The following RHBDD1 variants were observed in gnomAD, a reference collection of about 807,000 sequenced individuals.
The protein encoded by RHBDD1 is rhomboid-related protein 4.
Under a neutral mutation model 36.3 loss-of-function variants are expected in RHBDD1, and 38 were observed. That is an observed-to-expected ratio of 1.05 (90% CI 0.81 to 1.37). RHBDD1 has a LOEUF of 1.37. Among genes scored for constraint, RHBDD1 ranks in the 40% most tolerant of loss-of-function variants. The pLI is 0.00. For synonymous variants in RHBDD1, 151 were observed against 136.5 expected (o/e 1.11, Z -0.74); for missense variants, 393 against 377.6 (o/e 1.04, Z -0.34).
chr2:226,948,672 C>G (rs1483086534), intron 8 of RHBDD1, among the ~76,000 whole-genome samples: 1 of 151,218 alleles, frequency 6.6e-6, no homozygotes, highest in Non-Finnish European at 1.5e-5. Flanking sequence ...TATGACAAAC[C>G]CACTGCCAAT....
chr2:226,946,465 A>C (rs926676867), intron 8 of RHBDD1, among the ~76,000 whole-genome samples: 2 of 152,080 alleles, frequency 1.3e-5, no homozygotes, highest in East Asian at 3.9e-4. Context: ...GTGTAGTTTG[A>C]AGTCAGAAGA....
the RHBDD1 span, among the ~76,000 whole-genome samples, chr2:226,816,393 A>AAAAG: frequency 6.7e-6 from 1 of 150,028 alleles, no homozygotes; most frequent in African/African-American, 2.5e-5. Context: ...AAAAAAAAAA[A>AAAAG]AAAGAAAAAA....
At chr2:226,963,832 A>T (rs1338153618) in intron 8 of RHBDD1, among the ~76,000 whole-genome samples, 2 of 151,914 alleles carry the variant, frequency 1.3e-5, no homozygotes, top group Admixed American at 1.3e-4. Context: ...AATGGAATCC[A>T]CCCCTAGGCA....
In RHBDD1 at chr2:226,995,487, AG is replaced by A. The variant is rs779781663; in HGVS notation, c.915del (p.Arg306AspfsTer41). 1.2e-6 allele frequency: 2 copies of A among 1,613,120 alleles called. No homozygotes were observed. The highest frequency in any genetic ancestry group is 2.7e-5 in the African/African-American group (2 of 74,934). On this transcript the variant is annotated frameshift_variant, in exon 9 of 9. Coordinates refer to ENST00000392062, the MANE Select transcript of RHBDD1 (RefSeq NM_001167608.3). LOFTEE classifies it high-confidence loss of function. Reference protein sequence around the residue: ...YGFHLSPEEMRRQRLHRFDSQ With the variant: ...YGFHLSPEEMXRQRLHRFDSQ The stretch of plus-strand genomic sequence containing the variant: ...GTTTCATCTCTCACCAGAAGAAATG[AG>A]GAGACAGCGGCTTCACAGATTCGAT...
intron 5 of RHBDD1, among the ~76,000 whole-genome samples, chr2:226,887,327 T>C (rs1364793782): frequency 6.6e-6 from 1 of 152,228 alleles, no homozygotes; most frequent in Non-Finnish European, 1.5e-5. Flanking sequence ...GCATCTGTAG[T>C]TGTAGATTTC....
At chr2:226,937,750 A>G (rs1950423792) in intron 8 of RHBDD1, among the ~76,000 whole-genome samples, 1 of 152,144 alleles carries the variant, frequency 6.6e-6, no homozygotes, top group African/African-American at 2.4e-5. Context: ...AGCTTCACTC[A>G]TGTCCTTGCA....
chr2:226,822,137 A>C, the RHBDD1 span, among the ~76,000 whole-genome samples: 3 of 152,292 alleles, frequency 2.0e-5, no homozygotes, highest in East Asian at 5.8e-4. Context: ...TAGGCCCACA[A>C]ATAGCTTTAT....
intron 5 of RHBDD1, among the ~76,000 whole-genome samples, chr2:226,904,073 C>T (rs536465473): frequency 2.6e-5 from 4 of 152,300 alleles, no homozygotes; most frequent in Middle Eastern, 3.4e-3. Context: ...TTCAAGTCCA[C>T]GTGTGATCTG....
chr2:226,805,496 T>A, the RHBDD1 span, among the ~76,000 whole-genome samples: 12,231 of 152,286 alleles, frequency 0.08, 558 homozygotes, highest in East Asian at 0.13. Flanking sequence ...TATAGGCGTG[T>A]GCCACCACAC....
chr2:226,844,445 T>C (rs1334606092), intron 3 of RHBDD1, among the ~76,000 whole-genome samples: 1 of 152,190 alleles, frequency 6.6e-6, no homozygotes, highest in Non-Finnish European at 1.5e-5. Context: ...TAATATAACA[T>C]ATATTTGAAG....
chr2:226,934,830 T>C (rs1950238605), intron 8 of RHBDD1, among the ~76,000 whole-genome samples: 1 of 151,336 alleles, frequency 6.6e-6, no homozygotes, highest in African/African-American at 2.4e-5. Context: ...CAACCCCACA[T>C]CCCTCTGTGC....
At chr2:226,889,655 A>G (rs1158578492) in intron 5 of RHBDD1, among the ~76,000 whole-genome samples, 1 of 152,194 alleles carries the variant, frequency 6.6e-6, no homozygotes, top group Non-Finnish European at 1.5e-5. Flanking sequence ...AAACAGTTAT[A>G]TGGCTTCTAG....
At chr2:226,895,955 G>T (rs1439290554) in intron 5 of RHBDD1, 3 of 255,902 alleles carry the variant, frequency 1.2e-5, no homozygotes, top group East Asian at 3.5e-4. Context: ...AAATAAGAGG[G>T]ATGTTACCTT....
At chr2:226,840,926 GA>G (rs1014779049) in intron 3 of RHBDD1, among the ~76,000 whole-genome samples, 5 of 151,236 alleles carry the variant, frequency 3.3e-5, no homozygotes, top group African/African-American at 1.2e-4. Flanking sequence ...GCAATACTGT[GA>G]AAAAAATTTC....
intron 5 of RHBDD1, among the ~76,000 whole-genome samples, chr2:226,889,350 TC>T (rs1946494737): frequency 6.6e-6 from 1 of 152,156 alleles, no homozygotes; most frequent in Non-Finnish European, 1.5e-5. Flanking sequence ...TGGCTTGAGG[TC>T]CCCCTTTGAT....
At chr2:226,864,423 T>C (rs1944141529) in intron 3 of RHBDD1, among the ~76,000 whole-genome samples, 181 bp from the exon 4 acceptor site, 1 of 152,168 alleles carries the variant, frequency 6.6e-6, no homozygotes, top group South Asian at 2.1e-4. Flanking sequence ...TTCTAGAATG[T>C]AAAATGAAGG....
chr2:226,947,533 G>C (rs1050004464), intron 8 of RHBDD1, among the ~76,000 whole-genome samples: 57 of 152,184 alleles, frequency 3.7e-4, no homozygotes, highest in Non-Finnish European at 6.6e-4. Flanking sequence ...AAGTCAGGTA[G>C]TGTGATGCCT....
intron 8 of RHBDD1, among the ~76,000 whole-genome samples, chr2:226,919,201 T>A (rs932341813): frequency 3.9e-5 from 6 of 152,104 alleles, no homozygotes; most frequent in Non-Finnish European, 4.4e-5. Flanking sequence ...CTATTTGAAC[T>A]CCTTATATAT....
At chr2:226,922,364 C>T (rs907812381) in intron 8 of RHBDD1, among the ~76,000 whole-genome samples, 2 of 151,710 alleles carry the variant, frequency 1.3e-5, no homozygotes, top group African/African-American at 2.4e-5. Flanking sequence ...CCTGCTGCCA[C>T]GCCCGGCTAA....
Sources: gnomAD v4.1 joint callset for allele counts (sites outside exome capture counted in the v4.1 genomes callset) on GRCh38, gnomAD v4.1.1 for gene constraint, MANE v1.5 for transcripts, NCBI Gene and HGNC (gene_info 2026-07-23, HGNC 2026-07-21) for gene names.